ABR: variants seen among roughly 807,000 people sequenced by gnomAD.
The protein encoded by ABR is ABR activator of RhoGEF and GTPase, also known as active breakpoint cluster region-related protein.
Under a neutral mutation model 107.2 loss-of-function variants are expected in ABR, and 35 were observed. The observed-to-expected ratio is 0.33, with a 90% confidence interval of 0.25 to 0.43. The LOEUF is 0.43. Among genes scored for constraint, ABR ranks in the 20% least tolerant of loss-of-function variants. ABR has a pLI of 1.00. For synonymous variants in ABR, 498 were observed against 462.0 expected (o/e 1.08, Z -1.00); for missense variants, 815 against 1,115.2 (o/e 0.73, Z 3.83).
At chr17:1,199,202 C>G (rs1409605650) in intron 1 of ABR, among the ~76,000 whole-genome samples, 1 of 150,866 alleles carries the variant, frequency 6.6e-6, no homozygotes, top group Non-Finnish European at 1.5e-5. Context: ...AACAAAACCT[C>G]TCTCTGGCTC....
intron 7 of ABR, among the ~76,000 whole-genome samples, chr17:1,073,148 C>T (rs1597679774): frequency 6.8e-6 from 1 of 147,836 alleles, no homozygotes; most frequent in East Asian, 2.0e-4. Flanking sequence ...CCACTGCACT[C>T]CAGCCTGGGT....
At position 1,204,164 on chromosome 17, in the gene ABR, G is replaced by A. The variant is rs542012157; in HGVS notation, c.838+24629C>T. Among the ~76,000 whole-genome samples, 10 of 152,320 alleles carry A rather than the reference G, an allele frequency of 6.6e-5. No individual in the cohort carries two copies. In the Middle Eastern group the frequency reaches 0.01, roughly 155 times the overall value. Reference sequence around the variant, plus strand: ...CGGGGCATTTAAAGACTTAATGTGGGCCGGGCGCGGTGGCTCAGGCCTGTC... The same window carrying A: ...CGGGGCATTTAAAGACTTAATGTGGACCGGGCGCGGTGGCTCAGGCCTGTC... On this transcript the variant is annotated intron_variant, in intron 1 of 22. Coordinates refer to the ABR transcript ENST00000574139.
At position 1,179,532 on chromosome 17, in the gene ABR, C is replaced by G. The variant is rs1236037033; in HGVS notation, c.61+135G>C. 1.0e-6 allele frequency: 1 copy of G among 964,740 alleles called. No individual in the cohort carries two copies. The highest frequency in any genetic ancestry group is 1.4e-6 in the Non-Finnish European group (1 of 713,552). The allele number at this position is 964,740 out of a possible 1,614,324, so 59.8% of individuals were successfully genotyped here. A position where few individuals can be genotyped will look rare whatever the true frequency, so the allele number is the denominator to read the frequency against. ...TCCGGACCCCGATCTCGCCCCCGCC[C>G]GCGCTCCCCGGACCAGCCCGGTGCC... On this transcript the variant is annotated intron_variant, in intron 1 of 22. Transcript: ENST00000302538. The surrounding 1 kb of genome is among the most constrained non-coding windows in gnomAD (Gnocchi z 4.9).
chr17:1,154,139 GGAACT>G lies in ABR; in HGVS notation c.61+25523_61+25527del, dbSNP rs1303706076. ...GACTGGGTCTAAGGGACGAGGGCCA[GGAACT>G]GAGCAGCGGGTTCACCTCCCAGGTC... is the stretch of plus-strand genomic sequence containing the variant. On this transcript the variant is annotated intron_variant, in intron 1 of 22. Transcript: ENST00000302538. This position sits in a 1 kb window ranked among gnomAD's most constrained non-coding sequence, Gnocchi z 4.0. The G allele has an allele frequency of 6.6e-6, 1 of 152,524 alleles. No homozygotes were observed. The highest frequency in any genetic ancestry group is 1.5e-5 in the Non-Finnish European group (1 of 68,270). The allele number at this position is 152,524 out of a possible 1,614,324, so 9.4% of individuals were successfully genotyped here.
upstream of ABR, chr17:1,187,449 C>G (rs2042330523): frequency 6.6e-6 from 1 of 152,334 alleles, no homozygotes; most frequent in Non-Finnish European, 1.5e-5. Context: ...GGACAAAAAT[C>G]TCCAGCTTGG....
intron 16 of ABR, among the ~76,000 whole-genome samples, chr17:1,013,902 T>C (rs377319245): frequency 1.3e-5 from 2 of 152,264 alleles, no homozygotes; most frequent in Non-Finnish European, 2.9e-5. Flanking sequence ...TCTGTTTCTG[T>C]AACTCGGGGG....
chr17:1,013,012 C>A (rs2070764253), intron 17 of ABR, 93 bp downstream of exon 17: 2 of 1,483,718 alleles, frequency 1.3e-6, no homozygotes, highest in Non-Finnish European at 1.9e-6. Context: ...GCACAGCGGC[C>A]CCAGGAGCAG....
intron 3 of ABR, among the ~76,000 whole-genome samples, chr17:1,094,106 C>T (rs111276610): frequency 0.018 from 2,749 of 151,886 alleles, 79 homozygotes; most frequent in African/African-American, 0.062. Context: ...CCTCTGCGTC[C>T]GGTCAGGCCT....
chr17:1,226,287 T>TCCACTC (rs1185071803), intron 1 of ABR, among the ~76,000 whole-genome samples: 1 of 152,202 alleles, frequency 6.6e-6, no homozygotes, highest in Non-Finnish European at 1.5e-5. Flanking sequence ...ACGCCTTCCC[T>TCCACTC]TAATCGCTCC....
At chr17:1,218,050 G>A (rs1425663246) in intron 1 of ABR, among the ~76,000 whole-genome samples, 1 of 152,138 alleles carries the variant, frequency 6.6e-6, no homozygotes, top group Non-Finnish European at 1.5e-5. Flanking sequence ...GGCTGGCCTC[G>A]AACTCCTGAC....
intron 16 of ABR, among the ~76,000 whole-genome samples, chr17:1,034,839 T>C (rs539888317): frequency 7.9e-5 from 12 of 152,084 alleles, no homozygotes; most frequent in Admixed American, 1.3e-4. Context: ...ACTGCGAGAA[T>C]GCACGCCCCT....
chr17:1,073,039 G>A (rs530180341), intron 7 of ABR, among the ~76,000 whole-genome samples: 3 of 152,148 alleles, frequency 2.0e-5, no homozygotes, highest in Non-Finnish European at 2.9e-5. Flanking sequence ...AATTAGCTGG[G>A]CGTGGTGGCG....
In ABR at chr17:1,148,088, G is replaced by T. The variant is rs887544561; in HGVS notation, c.62-22721C>A. Among the ~76,000 whole-genome samples, 1 of 152,186 alleles carries T rather than the reference G, an allele frequency of 6.6e-6. No homozygotes were observed. The highest frequency in any genetic ancestry group is 2.4e-5 in the African/African-American group (1 of 41,446). ...GGCCCACCCCACGGTAAGCTTCAAG[G>T]ATGGCCTGCTTGCTGCTGATGAGTG... On this transcript the variant is annotated intron_variant, in intron 1 of 22. Transcript: ENST00000302538. This position sits in a 1 kb window ranked among gnomAD's most constrained non-coding sequence, Gnocchi z 4.9.
At chr17:1,014,840 C>T (rs959643136) in intron 16 of ABR, among the ~76,000 whole-genome samples, 10 of 151,526 alleles carry the variant, frequency 6.6e-5, no homozygotes, top group Non-Finnish European at 1.3e-4. Flanking sequence ...AGTGAGACTC[C>T]GTCTCAAAAA....
rs2035248839 is a variant in ABR, at chr17:1,071,669, CCG to C, written c.894+943_894+944del. ...CCCCGCAAGCCACTGCGTGTGCAGG[CCG>C]AGCTGAAGCAGCTCCAAGCTCCTGC... On this transcript the variant is annotated intron_variant, in intron 8 of 22. Transcript: ENST00000302538. The surrounding 1 kb of genome is among the most constrained non-coding windows in gnomAD (Gnocchi z 5.1). Among the ~76,000 whole-genome samples the C allele has an allele frequency of 6.6e-6, 1 of 152,256 alleles. No homozygotes were observed. Among genetic ancestry groups the C allele is most frequent in the Non-Finnish European group, 1.5e-5 (1 of 68,036 alleles).
At chr17:1,166,307 T>C (rs1037770347) in intron 1 of ABR, among the ~76,000 whole-genome samples, 1 of 150,512 alleles carries the variant, frequency 6.6e-6, no homozygotes, top group Non-Finnish European at 1.5e-5. Flanking sequence ...GGGCCAAGAG[T>C]CTAGGTCCAG....
chr17:1,208,037 C>G (rs2042829844), intron 1 of ABR, among the ~76,000 whole-genome samples: 3 of 152,178 alleles, frequency 2.0e-5, no homozygotes. Flanking sequence ...TCCCAAAGTG[C>G]TGGGATTACA....
chr17:1,065,679 C>T (rs546896135), intron 10 of ABR, among the ~76,000 whole-genome samples: 19 of 151,822 alleles, frequency 1.3e-4, no homozygotes, highest in Non-Finnish European at 2.1e-4. Flanking sequence ...AAACAGTTTG[C>T]AGTTCTCATT....
upstream of ABR, among the ~76,000 whole-genome samples, chr17:1,189,207 C>T (rs529915041): frequency 6.6e-6 from 1 of 152,262 alleles, no homozygotes; most frequent in South Asian, 2.1e-4. Flanking sequence ...GTCCCAGGCT[C>T]ACGAGACTGA....
Sources: gnomAD v4.1 joint callset for allele counts (sites outside exome capture counted in the v4.1 genomes callset) on GRCh38, gnomAD v4.1.1 for gene constraint, Gnocchi (gnomAD v3.1) non-coding constraint, MANE v1.5 for transcripts, NCBI Gene and HGNC (gene_info 2026-07-23, HGNC 2026-07-21) for gene names.